Variants in STK38 observed in about 807,000 individuals in gnomAD.
STK38 encodes serine/threonine kinase 38.
STK38 carries 26 observed loss-of-function variants against 59.0 expected under a neutral mutation model. The ratio of observed to expected loss-of-function variants is 0.44; its 90% confidence interval spans 0.32 to 0.61. The LOEUF (loss-of-function observed/expected upper bound fraction) is 0.61. Among genes scored for constraint, STK38 ranks in the 20% least tolerant of loss-of-function variants. The pLI is 0.04. For synonymous variants in STK38, 175 were observed against 176.6 expected (o/e 0.99, Z 0.07); for missense variants, 433 against 566.0 (o/e 0.76, Z 2.38).
chr6:36,507,747 T>A (rs1482022825), intron 7 of STK38, 145 bp from the exon 8 acceptor site: 2 of 559,402 alleles, frequency 3.6e-6, no homozygotes, highest in South Asian at 5.7e-5. Context: ...ATCATGTAAT[T>A]GCAGATAAAT....
intron 7 of STK38, among the ~76,000 whole-genome samples, chr6:36,512,370 A>ATCT (rs1475325506): frequency 1.3e-5 from 2 of 152,176 alleles, no homozygotes; most frequent in Non-Finnish European, 2.9e-5. Context: ...TGGTTGCTGG[A>ATCT]TCTGAACATA....
chr6:36,535,756 G>A (rs1446688276), intron 2 of STK38, among the ~76,000 whole-genome samples: 3 of 151,608 alleles, frequency 2.0e-5, no homozygotes. Flanking sequence ...TGTGCCTGTA[G>A]TCCCAGCTGT....
At chr6:36,502,185 C>G (rs191047607) in intron 9 of STK38, among the ~76,000 whole-genome samples, 1 of 151,980 alleles carries the variant, frequency 6.6e-6, no homozygotes, top group Non-Finnish European at 1.5e-5. Flanking sequence ...CTCTGTCACC[C>G]GGGCTGGAGT....
In STK38 at chr6:36,494,915, T is replaced by C. The variant is rs1776662929; in HGVS notation, c.*869A>G. On this transcript the variant is annotated 3_prime_UTR_variant, in exon 14 of 14. Coordinates refer to ENST00000229812, the MANE Select transcript of STK38 (RefSeq NM_007271.4). Reference sequence around the variant, plus strand: ...GCTCTCCTCGTTAGGTTCCCAGGAATAAATTGAGTTCCCATTGGCAGCACT... The same window carrying C: ...GCTCTCCTCGTTAGGTTCCCAGGAACAAATTGAGTTCCCATTGGCAGCACT... 1 of 152,242 alleles carries C rather than the reference T, an allele frequency of 6.6e-6. No individual in the cohort carries two copies. The highest frequency in any genetic ancestry group is 1.5e-5 in the Non-Finnish European group (1 of 68,066). The allele number at this position is 152,242 out of a possible 1,614,324, so 9.4% of individuals were successfully genotyped here. A position where few individuals can be genotyped will look rare whatever the true frequency, so the allele number is the denominator to read the frequency against.
rs1446613292 is a variant in STK38, at chr6:36,515,899, T to C, written c.515-407A>G. On this transcript the variant is annotated intron_variant, in intron 6 of 13. Transcript: ENST00000229812. ...CTAAATGGCACTTCCACATACAATC[T>C]ATGTATTGTTATAGAGAGGCTGAAA... is the stretch of plus-strand genomic sequence containing the variant. Among the ~76,000 whole-genome samples the C allele has an allele frequency of 2.0e-5, 3 of 152,226 alleles. No homozygotes were observed. In the South Asian group the frequency reaches 6.2e-4, roughly 31 times the overall value.
At chr6:36,504,147 T>TA (rs1776905581) in intron 9 of STK38, among the ~76,000 whole-genome samples, 2 of 152,238 alleles carry the variant, frequency 1.3e-5, no homozygotes, top group African/African-American at 4.8e-5. Context: ...CTCACTTCTG[T>TA]AAATTCAACC....
intron 2 of STK38, among the ~76,000 whole-genome samples, chr6:36,527,207 A>ATAT (rs1554168828): frequency 0.027 from 3,246 of 119,158 alleles, 93 homozygotes; most frequent in Non-Finnish European, 0.03. Context: ...AAAAAAAAAA[A>ATAT]ATATATGTAT....
intron 2 of STK38, among the ~76,000 whole-genome samples, chr6:36,533,091 CAA>C (rs1777707182): frequency 6.8e-6 from 1 of 146,822 alleles, no homozygotes; most frequent in Non-Finnish European, 1.5e-5. Context: ...AAGGGGTACA[CAA>C]CAAAAAAAGA....
chr6:36,512,436 T>C (rs1367814846), intron 7 of STK38, among the ~76,000 whole-genome samples: 1 of 152,218 alleles, frequency 6.6e-6, no homozygotes, highest in Non-Finnish European at 1.5e-5. Flanking sequence ...AACCAGGGCA[T>C]CTGAACTTTG....
intron 2 of STK38, among the ~76,000 whole-genome samples, chr6:36,539,421 T>C (rs191909153): frequency 4.6e-5 from 7 of 152,060 alleles, no homozygotes; most frequent in African/African-American, 1.7e-4. Context: ...AATTATGAGT[T>C]ACTAAGTGGA....
chr6:36,500,135 C>T (rs1192248476), intron 9 of STK38, 145 bp from the exon 10 acceptor site: 9 of 635,158 alleles, frequency 1.4e-5, no homozygotes, highest in Middle Eastern at 4.1e-4. Context: ...ATGGCAAGCT[C>T]GATTTCCCAA....
chr6:36,542,306 TTAAAA>T (rs905242647), intron 1 of STK38, among the ~76,000 whole-genome samples: 8 of 152,130 alleles, frequency 5.3e-5, no homozygotes, highest in Non-Finnish European at 8.8e-5. Context: ...AATTTACAAG[TTAAAA>T]TAAAGTTTTA....
intron 6 of STK38, among the ~76,000 whole-genome samples, chr6:36,515,850 C>T (rs911042099): frequency 1.3e-5 from 2 of 152,204 alleles, no homozygotes; most frequent in African/African-American, 4.8e-5. Context: ...GAACAAGTAT[C>T]TGCAAGCTTT....
At chr6:36,523,422 C>T (rs1208853131) in intron 4 of STK38, among the ~76,000 whole-genome samples, 1 of 151,870 alleles carries the variant, frequency 6.6e-6, no homozygotes, top group African/African-American at 2.4e-5. Flanking sequence ...GCCACCACAC[C>T]CGGCTAATTT....
At position 36,512,804 on chromosome 6, in the gene STK38, G is replaced by A. The variant is rs576210057; in HGVS notation, c.669+2534C>T. On this transcript the variant is annotated intron_variant, in intron 7 of 13. Coordinates refer to ENST00000229812, the MANE Select transcript of STK38 (RefSeq NM_007271.4). Reference sequence around the variant, plus strand: ...GCCTCCCGAGTAGCTGGGATTACAGGCACGTGCCACCACACCCAGCTAATT... The same window carrying A: ...GCCTCCCGAGTAGCTGGGATTACAGACACGTGCCACCACACCCAGCTAATT... Among the ~76,000 whole-genome samples, 124 of 151,748 alleles carry A rather than the reference G, an allele frequency of 8.2e-4. 1 individual carries two copies. Among genetic ancestry groups the A allele is most frequent in the African/African-American group, 2.9e-3 (121 of 41,404 alleles).
At chr6:36,519,640 T>C (rs896706223) in intron 5 of STK38, among the ~76,000 whole-genome samples, 4 of 149,104 alleles carry the variant, frequency 2.7e-5, no homozygotes, top group Non-Finnish European at 4.5e-5. Context: ...TGGCTGAATA[T>C]AGATTAAGGG....
intron 1 of STK38, among the ~76,000 whole-genome samples, chr6:36,542,123 C>G (rs1777953637): frequency 6.6e-6 from 1 of 152,176 alleles, no homozygotes; most frequent in Non-Finnish European, 1.5e-5. Flanking sequence ...GCATGAGCCA[C>G]TGCACCCAGC....
chr6:36,535,011 T>C (rs1285523619), intron 2 of STK38, among the ~76,000 whole-genome samples: 2 of 152,190 alleles, frequency 1.3e-5, no homozygotes, highest in African/African-American at 4.8e-5. Flanking sequence ...TATATGTCTA[T>C]ATATTAGCAG....
chr6:36,501,285 C>G (rs1464865383), intron 9 of STK38, among the ~76,000 whole-genome samples: 1 of 151,954 alleles, frequency 6.6e-6, no homozygotes, highest in Non-Finnish European at 1.5e-5. Flanking sequence ...CAGTATTCTA[C>G]TCTAACATAC....
Sources: allele counts gnomAD v4.1 joint callset (sites outside exome capture counted in the v4.1 genomes callset), GRCh38; gene constraint gnomAD v4.1.1; transcripts MANE v1.5; gene names NCBI Gene and HGNC (gene_info 2026-07-23, HGNC 2026-07-21).